LBR: variants seen among roughly 807,000 people sequenced by gnomAD.
LBR encodes delta(14)-sterol reductase LBR.
LBR carries 28 observed loss-of-function variants against 74.3 expected under a neutral mutation model. The observed-to-expected ratio is 0.38, with a 90% CI of 0.28 to 0.52. The LOEUF is 0.52. Ranked by LOEUF, LBR falls within the 20% of genes least tolerant of loss-of-function variation. The pLI is 0.89. For synonymous variants in LBR, 228 were observed against 269.3 expected, an observed-to-expected ratio of 0.85 and a Z score of 1.50; for missense variants, 717 against 760.3, an observed-to-expected ratio of 0.94 and a Z score of 0.67.
Position 225,411,410 on chromosome 1 carries a change from C to T in LBR, c.1115G>A (p.Arg372His), listed in dbSNP as rs747250396. The T allele has an allele frequency of 1.2e-5, 19 of 1,613,660 alleles. No individual in the cohort carries two copies. In the East Asian group the frequency reaches 1.6e-4, roughly 13 times the overall value. The stretch of plus-strand genomic sequence containing the variant: ...AGTACCAATTCGAGGGTTTAATTCA[C>T]GGCCAATGAAGAAATCATAGACAGC... Reference protein sequence around the residue: ...GNAVYDFFIGRELNPRIGTFD... With the variant: ...GNAVYDFFIGHELNPRIGTFD... The change falls in exon 9 of 14, where the codon CGT becomes CAT. Residue 372 changes from arginine (R) to histidine (H), a missense_variant. Transcript: ENST00000272163.
chr1:225,412,588 A>G lies in LBR; in HGVS notation c.950T>C (p.Val317Ala), dbSNP rs778842130. Reference sequence around the variant, plus strand: ...ATGACTGTACACGTAATGAAACTCTACGCCCTGGAAGAGAGATGTTCCGAT... The same window carrying G: ...ATGACTGTACACGTAATGAAACTCTGCGCCCTGGAAGAGAGATGTTCCGAT... ...AVIGTSLFQG[V>A]EFHYVYSHFL... The change falls in exon 8 of 14, where the codon GTA becomes GCA. Residue 317 changes from valine to alanine, a missense_variant. Physicochemically the swap from Val to Ala is moderately conservative, Grantham distance 64. Coordinates refer to ENST00000272163, the MANE Select transcript of LBR (RefSeq NM_002296.4). The G allele has an allele frequency of 8.1e-6, 13 of 1,613,760 alleles. No homozygotes were observed. In the East Asian group the frequency reaches 2.5e-4, roughly 30 times the overall value.
intron 8 of LBR, 61 bp downstream of exon 8, chr1:225,412,393 G>T: frequency 1.3e-6 from 2 of 1,492,330 alleles, no homozygotes; most frequent in Non-Finnish European, 1.9e-6. Flanking sequence ...TTCAAATCTG[G>T]AAATGGCTGC....
intron 2 of LBR, among the ~76,000 whole-genome samples, chr1:225,423,583 T>C (rs1172600438): frequency 6.6e-6 from 1 of 152,182 alleles, no homozygotes; most frequent in African/African-American, 2.4e-5. Flanking sequence ...TCACTGCCTC[T>C]GAAAGCCTCC....
chr1:225,411,694 A>T (rs1656685215), intron 8 of LBR, among the ~76,000 whole-genome samples: 1 of 151,918 alleles, frequency 6.6e-6, no homozygotes, highest in Non-Finnish European at 1.5e-5. Context: ...AACCAAAATC[A>T]TGGGGGCCCC....
chr1:225,410,141 T>C, intron 10 of LBR, 150 bp downstream of exon 10: 1 of 1,164,630 alleles, frequency 8.6e-7, no homozygotes, highest in Non-Finnish European at 1.3e-6. Context: ...CCTCGTCAGC[T>C]TCACATGGAT....
chr1:225,419,888 G>A, intron 3 of LBR, 90 bp from the exon 4 acceptor site: 2 of 939,612 alleles, frequency 2.1e-6, no homozygotes, highest in Non-Finnish European at 3.4e-6. Flanking sequence ...TTGGAATCAA[G>A]CAATAAAACA....
intron 7 of LBR, chr1:225,414,111 T>C (rs183199366): frequency 2.2e-6 from 1 of 456,576 alleles, no homozygotes; most frequent in Non-Finnish European, 4.4e-6. Flanking sequence ...ACTTGCTCCA[T>C]CAGCAAAGAA....
At chr1:225,411,818 GTTTT>G (rs1458719756) in intron 8 of LBR, among the ~76,000 whole-genome samples, 3 of 152,132 alleles carry the variant, frequency 2.0e-5, no homozygotes, top group Non-Finnish European at 4.4e-5. Flanking sequence ...TTTTTTGTTT[GTTTT>G]GTTTTGAGAT....
chr1:225,411,996 G>C (rs552287559), intron 8 of LBR, among the ~76,000 whole-genome samples: 1 of 152,286 alleles, frequency 6.6e-6, no homozygotes, highest in South Asian at 2.1e-4. Context: ...TTTTAGTAGA[G>C]ATGGGGTTTC....
rs1353699411 is a variant in LBR at position 225,404,081 on chromosome 1, CA to C, written c.1687+322del. Among the ~76,000 whole-genome samples the C allele has an allele frequency of 2.0e-5, 3 of 151,964 alleles. No homozygotes were observed. The East Asian group carries it at 5.8e-4, about 29-fold the overall frequency. Reference sequence around the variant, plus strand: ...AGAATCTCTTTCTCTTCTTAAAAACCAAAGTTTTTCCCAATCTATGTACACT... The same window carrying C: ...AGAATCTCTTTCTCTTCTTAAAAACCAAGTTTTTCCCAATCTATGTACACT... On this transcript the variant is annotated intron_variant, in intron 13 of 13. Transcript: ENST00000272163.
intron 2 of LBR, among the ~76,000 whole-genome samples, chr1:225,423,368 G>A (rs1391707249): frequency 6.6e-6 from 1 of 152,074 alleles, no homozygotes; most frequent in Non-Finnish European, 1.5e-5. Flanking sequence ...TAAATCCTTG[G>A]TGTTCAGGAT....
chr1:225,412,504 T>C lies in LBR; in HGVS notation c.1034A>G (p.Tyr345Cys), dbSNP rs2096107960. The C allele has an allele frequency of 1.2e-6, 2 of 1,614,160 alleles. No individual in the cohort carries two copies. Among genetic ancestry groups the C allele is most frequent in the Non-Finnish European group, 1.7e-6 (2 of 1,180,034 alleles). The part of the protein sequence containing the change: ...VFCVVLSVYL[Y>C]MRSLKAPRND... ...CCGGGGCGCTTTCAAAGAGCGCATG[T>C]AGAGATACACACTCAAGACCACACA... Residue 345 changes from tyrosine (Y) to cysteine (C), a missense_variant, in exon 8 of 14, where the codon TAC (tyrosine) becomes TGC (cysteine). Transcript: ENST00000272163.
rs751124930 is a variant in LBR at position 225,422,192 on chromosome 1, G to A, written c.251C>T (p.Ser84Phe). 2 of 1,613,932 alleles carry A rather than the reference G, an allele frequency of 1.2e-6. No individual in the cohort carries two copies. The highest frequency in any genetic ancestry group is 2.7e-5 in the African/African-American group (2 of 74,904). ...TTTAGGTGGTCGACCAGGGGATCGG[G>A]AGCGTGACCTTGATCGACTCCCTCG... ...RRRGSRSRSR[S>F]RSPGRPPKSA... is the part of the protein sequence containing the mutation. The change falls in exon 3 of 14, where the codon TCC becomes TTC. Residue 84 changes from serine (S) to phenylalanine (F), a missense_variant. By Grantham distance (155) the Ser-to-Phe change is radical. Transcript: ENST00000272163.
Position 225,419,798 on chromosome 1 carries a change from T to C in LBR, c.367A>G (p.Lys123Glu), listed in dbSNP as rs1320847992. The change falls in exon 4 of 14, where the codon AAG becomes GAG. Residue 123 changes from lysine to glutamate, a missense_variant and splice_region_variant. By Grantham distance (56) the Lys-to-Glu change is moderately conservative. Transcript: ENST00000272163. Reference sequence around the variant, plus strand: ...CTGCTGATGCTATTTCCAAATGGCTTCTAAATTGAAGAATATAAACATTTA... The same window carrying C: ...CTGCTGATGCTATTTCCAAATGGCTCCTAAATTGAAGAATATAAACATTTA... ...VEVKLTPLIL[K>E]PFGNSISRYN... 6.3e-7 allele frequency: 1 copy of C among 1,599,136 alleles called. No homozygotes were observed. Among genetic ancestry groups the C allele is most frequent in the Non-Finnish European group, 8.6e-7 (1 of 1,166,946 alleles).
In LBR at chr1:225,415,270, A is replaced by T. The variant is rs1271601979; in HGVS notation, c.892+8T>A. On this transcript the variant is annotated splice_region_variant and intron_variant, in intron 7 of 13. Coordinates refer to ENST00000272163, the MANE Select transcript of LBR (RefSeq NM_002296.4). ...TCATCAATTTGAGTCTTAAAAAAAG[A>T]AAATCACCATTTAATCTATACTTGA... The T allele has an allele frequency of 6.4e-7, 1 of 1,570,464 alleles. No individual in the cohort carries two copies. Among genetic ancestry groups the T allele is most frequent in the South Asian group, 1.1e-5 (1 of 88,626 alleles).
intron 8 of LBR, 85 bp from the exon 9 acceptor site, chr1:225,411,525 C>T (rs1246900557): frequency 3.1e-6 from 3 of 961,972 alleles, no homozygotes; most frequent in Non-Finnish European, 5.1e-6. Flanking sequence ...ACTATCCAGG[C>T]TCACAATTCC....
At chr1:225,428,729 T>C (rs2096146436), upstream of LBR, 1 of 152,188 alleles carries the variant, frequency 6.6e-6, no homozygotes, top group African/African-American at 2.4e-5. Context: ...GCTCGGTTGT[T>C]ACCCGAGATG....
intron 10 of LBR, among the ~76,000 whole-genome samples, chr1:225,408,176 C>T (rs2096096455): frequency 1.3e-5 from 2 of 152,144 alleles, no homozygotes; most frequent in Admixed American, 1.3e-4. Flanking sequence ...CAAACCTCTC[C>T]CTATCCTTCC....
At chr1:225,412,374 A>G in intron 8 of LBR, 80 bp downstream of exon 8, 1 of 1,299,234 alleles carries the variant, frequency 7.7e-7, no homozygotes, top group Non-Finnish European at 1.1e-6. Context: ...TTAGAAAAAA[A>G]GCAATCTATT....
Sources: allele counts gnomAD v4.1 joint callset (sites outside exome capture counted in the v4.1 genomes callset), GRCh38; gene constraint gnomAD v4.1.1; transcripts MANE v1.5; gene names NCBI Gene and HGNC (gene_info 2026-07-23, HGNC 2026-07-21).